Variants in SIAH3 observed in about 807,000 individuals in gnomAD.
The protein encoded by SIAH3 is seven in absentia homolog 3.
A neutral mutation model predicts 12.6 loss-of-function variants in SIAH3; 9 were observed. The ratio of observed to expected loss-of-function variants is 0.72; its 90% CI spans 0.43 to 1.25. SIAH3 has a LOEUF of 1.25. Ranked by LOEUF, SIAH3 falls within the 50% of genes most tolerant of loss-of-function variation. The pLI is 0.00. For missense variants in SIAH3, 390 were observed against 365.4 expected, an observed-to-expected ratio of 1.07 and a Z score of -0.55; for synonymous variants, 154 against 151.1, an observed-to-expected ratio of 1.02 and a Z score of -0.14.
chr13:45,784,956 C>T (rs758659943), intron 1 of SIAH3, among the ~76,000 whole-genome samples: 1 of 152,214 alleles, frequency 6.6e-6, no homozygotes, highest in African/African-American at 2.4e-5. Flanking sequence ...GTGGCACAGA[C>T]ATTACTACAC....
At chr13:45,818,416 A>G (rs895915783) in intron 1 of SIAH3, among the ~76,000 whole-genome samples, 2 of 152,222 alleles carry the variant, frequency 1.3e-5, no homozygotes, top group Non-Finnish European at 2.9e-5. Context: ...GTTTTTCCCT[A>G]TGGCTGCTGT....
chr13:45,827,244 C>T (rs1950681979), intron 1 of SIAH3, among the ~76,000 whole-genome samples: 1 of 152,146 alleles, frequency 6.6e-6, no homozygotes, highest in African/African-American at 2.4e-5. Flanking sequence ...CCCTTTTCCC[C>T]TTCCATTTGT....
At chr13:45,789,952 T>G (rs1950540784) in intron 1 of SIAH3, among the ~76,000 whole-genome samples, 1 of 152,178 alleles carries the variant, frequency 6.6e-6, no homozygotes, top group Admixed American at 6.5e-5. Context: ...AGAAATGGGC[T>G]CTAGTTGAGG....
intron 1 of SIAH3, among the ~76,000 whole-genome samples, chr13:45,789,507 A>C (rs1215644273): frequency 6.6e-6 from 1 of 152,080 alleles, no homozygotes; most frequent in African/African-American, 2.4e-5. Flanking sequence ...CCTAGGTTCA[A>C]GTGATTCTCC....
intron 1 of SIAH3, among the ~76,000 whole-genome samples, chr13:45,807,501 T>C (rs1029066379): frequency 6.6e-6 from 1 of 152,198 alleles, no homozygotes; most frequent in Non-Finnish European, 1.5e-5. Context: ...TTCTATTTAT[T>C]AGATTTAGTA....
intron 1 of SIAH3, among the ~76,000 whole-genome samples, chr13:45,850,444 C>A (rs751088333): frequency 6.6e-6 from 1 of 152,150 alleles, no homozygotes; most frequent in African/African-American, 2.4e-5. Context: ...AGACACGGCC[C>A]CTCCCCCGGC....
chr13:45,824,726 C>T (rs531480203), intron 1 of SIAH3, among the ~76,000 whole-genome samples: 11 of 152,192 alleles, frequency 7.2e-5, no homozygotes, highest in Admixed American at 2.6e-4. Context: ...AGCAGCGCAT[C>T]GGAGTTGGAA....
At chr13:45,821,799 T>C (rs57637111) in intron 1 of SIAH3, among the ~76,000 whole-genome samples, 32,531 of 152,166 alleles carry the variant, frequency 0.21, 4,113 homozygotes, top group East Asian at 0.61. Flanking sequence ...AAGAGACAGT[T>C]TGTTGCTCAG....
intron 1 of SIAH3, among the ~76,000 whole-genome samples, chr13:45,851,187 CT>C (rs1190382003): frequency 6.6e-6 from 1 of 152,156 alleles, no homozygotes; most frequent in African/African-American, 2.4e-5. Flanking sequence ...GGACGCCCCC[CT>C]GTTCCCTCCA....
At chr13:45,820,274 T>C (rs1292798494) in intron 1 of SIAH3, among the ~76,000 whole-genome samples, 2 of 152,132 alleles carry the variant, frequency 1.3e-5, no homozygotes, top group Non-Finnish European at 2.9e-5. Context: ...AGAAGCTCCG[T>C]TGGCCGGGAG....
intron 1 of SIAH3, among the ~76,000 whole-genome samples, chr13:45,797,439 G>T (rs1950566899): frequency 6.6e-6 from 1 of 152,142 alleles, no homozygotes; most frequent in Non-Finnish European, 1.5e-5. Flanking sequence ...TGTTGTAGAA[G>T]GGAAGGTACA....
chr13:45,826,432 A>T (rs767236790), intron 1 of SIAH3, among the ~76,000 whole-genome samples: 1 of 50,334 alleles, frequency 2.0e-5, no homozygotes, highest in African/African-American at 1.4e-4. Context: ...TGGATGGATG[A>T]ATGGATGCAT....
intron 1 of SIAH3, among the ~76,000 whole-genome samples, chr13:45,799,509 C>G (rs750596210): frequency 1.3e-5 from 2 of 152,180 alleles, no homozygotes; most frequent in African/African-American, 4.8e-5. Context: ...ACATCACATG[C>G]CTCATCTCAC....
chr13:45,844,725 A>G (rs912005274), intron 1 of SIAH3, among the ~76,000 whole-genome samples: 1 of 152,250 alleles, frequency 6.6e-6, no homozygotes, highest in Non-Finnish European at 1.5e-5. Flanking sequence ...GCCGAATATC[A>G]TTCATTCTTA....
At chr13:45,835,432 TAAC>T (rs1294820899) in intron 1 of SIAH3, among the ~76,000 whole-genome samples, 1 of 152,166 alleles carries the variant, frequency 6.6e-6, no homozygotes, top group Non-Finnish European at 1.5e-5. Flanking sequence ...ATGATAATAA[TAAC>T]AACAACAATA....
At chr13:45,807,256 G>A (rs752889876) in intron 1 of SIAH3, among the ~76,000 whole-genome samples, 20 of 149,688 alleles carry the variant, frequency 1.3e-4, no homozygotes, top group Non-Finnish European at 2.2e-4. Flanking sequence ...TAACAAGATT[G>A]TAATAAATAC....
intron 1 of SIAH3, among the ~76,000 whole-genome samples, chr13:45,843,188 G>A (rs1455712237): frequency 1.3e-5 from 2 of 152,026 alleles, no homozygotes; most frequent in African/African-American, 4.8e-5. Flanking sequence ...CTGCAGCCTA[G>A]ACTGAGCATC....
Position 45,783,555 on chromosome 13 carries a change from T to C in SIAH3, c.638A>G (p.Lys213Arg), listed in dbSNP as rs770052177. ...AACAGACCGGGGCGTGGCCTCCCAC[T>C]TGAGGCGCCGATGGTTTCTGTTGAG... is the stretch of plus-strand genomic sequence containing the variant. ...LELNRNHRRL[K>R]WEATPRSVLE... The change falls in exon 2 of 2, where the codon AAG (lysine) becomes AGG (arginine). Residue 213 changes from lysine (K) to arginine (R), a missense_variant. By Grantham distance (26) the Lys-to-Arg change is conservative (BLOSUM62 2). Transcript: ENST00000400405. 7 of 1,614,076 alleles carry C rather than the reference T, an allele frequency of 4.3e-6. No homozygotes were observed. In the East Asian group the frequency reaches 1.3e-4, roughly 31 times the overall value.
rs550880157 is a variant in SIAH3 at position 45,783,268 on chromosome 13, AT to A, written c.*114del. On this transcript the variant is annotated 3_prime_UTR_variant, in exon 2 of 2. Transcript: ENST00000400405. Reference sequence around the variant, plus strand: ...GACAAAAAAATAATAATAATTAAAAATTAAAAAAAAAAAAAAGAAAGGAGAA... The same window carrying A: ...GACAAAAAAATAATAATAATTAAAAATAAAAAAAAAAAAAAGAAAGGAGAA... 1.9e-3 allele frequency: 1,243 copies of A among 642,424 alleles called. No homozygotes were observed. The highest frequency in any genetic ancestry group is 6.6e-3 in the Middle Eastern group (13 of 1,960). The allele number at this position is 642,424 out of a possible 1,614,324, so 39.8% of individuals were successfully genotyped here.
Sources: allele counts gnomAD v4.1 joint callset (sites outside exome capture counted in the v4.1 genomes callset), GRCh38; gene constraint gnomAD v4.1.1; transcripts MANE v1.5; gene names NCBI Gene and HGNC (gene_info 2026-07-23, HGNC 2026-07-21).